The following TANC1 variants were observed in gnomAD, a reference collection of about 807,000 sequenced individuals.
TANC1 encodes tetratricopeptide repeat, ankyrin repeat and coiled-coil containing 1.
Under a neutral mutation model 149.7 loss-of-function variants are expected in TANC1, and 77 were observed. The ratio of observed to expected loss-of-function variants is 0.51; its 90% CI spans 0.43 to 0.62. The LOEUF is 0.62. TANC1 is among the 20% of genes least tolerant of loss of function. The pLI, the probability that TANC1 is intolerant of heterozygous loss-of-function variation, is 0.00. For missense variants in TANC1, 1,985 were observed against 2,321.8 expected (o/e 0.85, Z 2.98); for synonymous variants, 854 against 925.0 (o/e 0.92, Z 1.39).
chr2:158,969,001 T>G (rs943092455), intron 1 of TANC1, among the ~76,000 whole-genome samples: 4 of 152,098 alleles, frequency 2.6e-5, no homozygotes, highest in African/African-American at 9.7e-5. Flanking sequence ...CGGGCCTTGG[T>G]CTCTCGGCGG....
At chr2:159,042,556 C>T (rs575911338) in intron 2 of TANC1, among the ~76,000 whole-genome samples, 1 of 152,082 alleles carries the variant, frequency 6.6e-6, no homozygotes, top group African/African-American at 2.4e-5. Context: ...CAGGGAAGAC[C>T]AGCCCTGGAG....
At chr2:159,009,740 A>G (rs2037576499) in intron 2 of TANC1, among the ~76,000 whole-genome samples, 3 of 152,214 alleles carry the variant, frequency 2.0e-5, no homozygotes, top group Admixed American at 2.0e-4. Context: ...GATAGCTAGA[A>G]GAGTGGATTT....
At chr2:158,988,994 T>C (rs1348870724) in intron 1 of TANC1, among the ~76,000 whole-genome samples, 1 of 152,116 alleles carries the variant, frequency 6.6e-6, no homozygotes, top group African/African-American at 2.4e-5. Flanking sequence ...TCAGTTTTAA[T>C]GAGTGATATG....
At chr2:159,085,975 G>C (rs1283302818) in intron 3 of TANC1, among the ~76,000 whole-genome samples, 1 of 152,216 alleles carries the variant, frequency 6.6e-6, no homozygotes, top group Non-Finnish European at 1.5e-5. Context: ...GCCTCTGGCA[G>C]TAATCTCAGG....
Position 159,187,002 on chromosome 2 carries a change from A to C in TANC1, c.2720A>C (p.Asn907Thr). The C allele has an allele frequency of 6.2e-7, 1 of 1,614,130 alleles. No homozygotes were observed. The highest frequency in any genetic ancestry group is 8.5e-7 in the Non-Finnish European group (1 of 1,180,010). The change falls in exon 16 of 27, where the codon AAT becomes ACT. Residue 907 changes from asparagine (N) to threonine (T), a missense_variant. By Grantham distance (65) the Asn-to-Thr change is moderately conservative (BLOSUM62 0). Around this residue, in one of 3 missense-constraint regions of TANC1, gnomAD observed 508 missense variants for 714.2 expected, o/e 0.71. Coordinates refer to ENST00000263635, the MANE Select transcript of TANC1 (RefSeq NM_033394.3). ...TCCGCCGCCCTGGCCTCTCTCAGGA[A>C]TCTCTATACTCCCAACGTGAAGGTG... ...GLSAALASLR[N>T]LYTPNVKVSR...
intron 13 of TANC1, among the ~76,000 whole-genome samples, chr2:159,177,895 C>T (rs1451584480): frequency 2.0e-5 from 3 of 152,168 alleles, no homozygotes; most frequent in Non-Finnish European, 2.9e-5. Flanking sequence ...GTATATTTGA[C>T]TTAGTGAAAA....
chr2:159,012,026 A>G (rs1281272894), intron 2 of TANC1, among the ~76,000 whole-genome samples: 1 of 152,166 alleles, frequency 6.6e-6, no homozygotes, highest in African/African-American at 2.4e-5. Flanking sequence ...GAAGGGGGCT[A>G]GTGACAGGCC....
intron 1 of TANC1, among the ~76,000 whole-genome samples, chr2:158,994,714 C>T (rs756857993): frequency 6.6e-6 from 1 of 152,186 alleles, no homozygotes; most frequent in Non-Finnish European, 1.5e-5. Context: ...ACTTTGTAAT[C>T]AAGTTGATTT....
intron 4 of TANC1, among the ~76,000 whole-genome samples, chr2:159,104,505 A>G (rs264645): frequency 0.24 from 22,471 of 94,524 alleles, 8,491 homozygotes; most frequent in East Asian, 0.93. Flanking sequence ...GATAAAGAAT[A>G]TGTGATTATC....
At chr2:159,063,424 G>A (rs567093490) in intron 2 of TANC1, among the ~76,000 whole-genome samples, 18 of 152,280 alleles carry the variant, frequency 1.2e-4, no homozygotes, top group Non-Finnish European at 2.4e-4. Flanking sequence ...TCCAGTTATG[G>A]GTTTAAGGCC....
chr2:159,032,039 A>G (rs2039821527), intron 2 of TANC1, among the ~76,000 whole-genome samples: 1 of 152,242 alleles, frequency 6.6e-6, no homozygotes, highest in African/African-American at 2.4e-5. Context: ...CCCTAAGGTC[A>G]TATGGCCCTG....
chr2:159,131,439 C>T lies in TANC1; in HGVS notation c.260-4755C>T, dbSNP rs182488333. On this transcript the variant is annotated intron_variant, in intron 4 of 26. Coordinates refer to ENST00000263635, the MANE Select transcript of TANC1 (RefSeq NM_033394.3). The stretch of plus-strand genomic sequence containing the variant: ...ACCAGCCACACTACTGGATGTCACC[C>T]GCGCCCCTGCCTTCCGATGGGCCTG... Among the ~76,000 whole-genome samples, 117 of 152,162 alleles carry T rather than the reference C, an allele frequency of 7.7e-4. No individual in the cohort carries two copies. The East Asian group carries it at 0.016, about 21-fold the overall frequency.
intron 2 of TANC1, among the ~76,000 whole-genome samples, chr2:159,062,972 T>TC (rs1408916599): frequency 2.4e-3 from 7 of 2,948 alleles, no homozygotes; most frequent in Non-Finnish European, 6.6e-3. Context: ...AGACTCCGTC[T>TC]CAAAAAAAAA....
chr2:159,074,257 C>T (rs953652992), intron 3 of TANC1, among the ~76,000 whole-genome samples: 1 of 152,176 alleles, frequency 6.6e-6, no homozygotes, highest in African/African-American at 2.4e-5. Context: ...TTTAATTCTT[C>T]ACACTCTTAA....
chr2:159,158,831 G>A (rs536245204), intron 7 of TANC1, among the ~76,000 whole-genome samples: 3 of 152,222 alleles, frequency 2.0e-5, no homozygotes, highest in African/African-American at 4.8e-5. Context: ...AAATGGTACC[G>A]GGTCTGGAGA....
chr2:159,041,138 A>C (rs2040597272), intron 2 of TANC1, among the ~76,000 whole-genome samples: 1 of 151,786 alleles, frequency 6.6e-6, no homozygotes. Context: ...TTGCTGCCTG[A>C]TCCTTCTTCT....
chr2:159,025,189 T>TTTTTCTTTC (rs1491417289), intron 2 of TANC1, among the ~76,000 whole-genome samples: 6 of 105,222 alleles, frequency 5.7e-5, no homozygotes, highest in African/African-American at 2.2e-4. Context: ...TTTTTCTTTC[T>TTTTTCTTTC]TTTCTTTCTT....
intron 4 of TANC1, among the ~76,000 whole-genome samples, chr2:159,118,440 G>A (rs1221015339): frequency 3.9e-5 from 6 of 152,080 alleles, no homozygotes; most frequent in Non-Finnish European, 7.4e-5. Context: ...ATGGATTCCC[G>A]GGAAGATGAA....
At chr2:159,010,551 G>A (rs1394362209) in intron 2 of TANC1, among the ~76,000 whole-genome samples, 1 of 152,170 alleles carries the variant, frequency 6.6e-6, no homozygotes, top group East Asian at 1.9e-4. Flanking sequence ...GCTGTGGCAG[G>A]CATGCTGGCA....
Sources: gnomAD v4.1 joint callset for allele counts (sites outside exome capture counted in the v4.1 genomes callset) on GRCh38, gnomAD v4.1.1 for gene constraint, gnomAD v4.1.1 regional missense constraint, MANE v1.5 for transcripts, NCBI Gene and HGNC (gene_info 2026-07-23, HGNC 2026-07-21) for gene names.